Variants in TENM1 observed in about 807,000 individuals in gnomAD.
The protein encoded by TENM1 is teneurin-1.
In TENM1, 35 loss-of-function variants were observed where a neutral mutation model predicts 174.8. The observed-to-expected ratio is 0.20, with a 90% CI of 0.15 to 0.27. The LOEUF is 0.27. TENM1 is among the 10% of genes least tolerant of loss of function. The pLI, the probability that TENM1 is intolerant of heterozygous loss-of-function variation, is 1.00. For missense variants in TENM1, 1,633 were observed against 2,130.1 expected, an observed-to-expected ratio of 0.77 and a Z score of 4.59; for synonymous variants, 781 against 798.7, an observed-to-expected ratio of 0.98 and a Z score of 0.37.
the TENM1 span, among the ~76,000 whole-genome samples, chrX:125,125,511 G>A: frequency 8.9e-6 from 1 of 111,759 alleles, no homozygotes; most frequent in African/African-American, 3.3e-5. Flanking sequence ...GTAGTAGCAT[G>A]TACAGATCCA....
chrX:125,122,462 C>A, the TENM1 span, among the ~76,000 whole-genome samples: 13 of 111,654 alleles, frequency 1.2e-4, no homozygotes, highest in Non-Finnish European at 2.4e-4. Context: ...ATCTGATAAG[C>A]AACTTCACTG....
chrX:124,463,197 T>C (rs2061198589), intron 22 of TENM1, among the ~76,000 whole-genome samples: 1 of 111,928 alleles, frequency 8.9e-6, no homozygotes, highest in African/African-American at 3.3e-5. Flanking sequence ...CTCAGGATTT[T>C]TTTTCAGGCT....
chrX:124,765,517 C>T (rs1165345658), intron 3 of TENM1, among the ~76,000 whole-genome samples: 1 of 111,925 alleles, frequency 8.9e-6, no homozygotes, highest in African/African-American at 3.2e-5. Flanking sequence ...ATTGAATTTC[C>T]ATCCATTTTT....
chrX:124,595,294 G>A lies in TENM1; in HGVS notation c.2078-29734C>T, dbSNP rs190272526. Among the ~76,000 whole-genome samples the A allele has an allele frequency of 5.3e-3, 590 of 112,016 alleles. 1 individual carries two copies. Among genetic ancestry groups the A allele is most frequent in the Middle Eastern group, 9.2e-3 (2 of 218 alleles). ...AGTAACTATGTGAGGTGATGGATGA[G>A]TTAATTAACTTGATTGTGGTAATAA... On this transcript the variant is annotated intron_variant, in intron 11 of 31. Transcript: ENST00000422452.
the TENM1 span, among the ~76,000 whole-genome samples, chrX:125,136,721 G>C: frequency 1.8e-5 from 2 of 111,402 alleles, no homozygotes; most frequent in African/African-American, 3.3e-5. Flanking sequence ...GAAACTATTT[G>C]AAATTAAAAA....
At chrX:125,003,049 G>C in the TENM1 span, among the ~76,000 whole-genome samples, 1 of 111,961 alleles carries the variant, frequency 8.9e-6, no homozygotes, top group African/African-American at 3.2e-5. Flanking sequence ...GACTGTAAAA[G>C]GTTAAAACAT....
At chrX:124,470,401 A>T (rs2061286541) in intron 22 of TENM1, among the ~76,000 whole-genome samples, 1 of 110,896 alleles carries the variant, frequency 9.0e-6, no homozygotes, top group South Asian at 3.8e-4. Context: ...TAAGGGAAAA[A>T]TATATATATA....
chrX:124,753,142 T>G (rs1375008284), intron 3 of TENM1, among the ~76,000 whole-genome samples: 5 of 109,690 alleles, frequency 4.6e-5, no homozygotes, highest in Non-Finnish European at 5.7e-5. Context: ...CTTCCATTTC[T>G]TTGTATCCTC....
chrX:124,468,599 A>G (rs1277445470), intron 22 of TENM1, among the ~76,000 whole-genome samples: 1 of 112,094 alleles, frequency 8.9e-6, no homozygotes, highest in East Asian at 2.8e-4. Flanking sequence ...AGTGTGTATC[A>G]TTCCCATGCA....
intron 22 of TENM1, among the ~76,000 whole-genome samples, chrX:124,474,233 G>A (rs1464490495): frequency 9.0e-6 from 1 of 111,209 alleles, no homozygotes; most frequent in African/African-American, 3.3e-5. Flanking sequence ...CTTTATGCTG[G>A]GTGTCACACT....
chrX:124,601,918 T>C (rs1450989348), intron 11 of TENM1, among the ~76,000 whole-genome samples: 13 of 111,470 alleles, frequency 1.2e-4, no homozygotes, highest in African/African-American at 3.9e-4. Context: ...CCTACTTATA[T>C]AGAACTTCTC....
the TENM1 span, among the ~76,000 whole-genome samples, chrX:125,130,767 G>A: frequency 2.7e-5 from 3 of 111,620 alleles, no homozygotes; most frequent in Non-Finnish European, 5.7e-5. Context: ...GCATTCACTT[G>A]AATGTATACT....
At chrX:124,791,388 T>C (rs1018063142) in intron 3 of TENM1, among the ~76,000 whole-genome samples, 1 of 111,875 alleles carries the variant, frequency 8.9e-6, no homozygotes, top group African/African-American at 3.2e-5. Context: ...GGAAATAATT[T>C]CTTTTGAAAA....
intron 11 of TENM1, among the ~76,000 whole-genome samples, chrX:124,588,556 T>G (rs1216627283): frequency 4.0e-4 from 35 of 88,507 alleles, no homozygotes; most frequent in African/African-American, 7.0e-4. Context: ...GTGGGGGGAG[T>G]GGGGAGGGAT....
the TENM1 span, among the ~76,000 whole-genome samples, chrX:125,164,167 T>A: frequency 8.9e-6 from 1 of 111,980 alleles, no homozygotes; most frequent in African/African-American, 3.2e-5. Flanking sequence ...GTTACTTGAC[T>A]GATTTCAGCC....
exon 19 of TENM1, chrX:124,503,625 T>C: frequency 8.3e-7 from 1 of 1,209,393 alleles, no homozygotes; most frequent in Non-Finnish European, 1.1e-6. Flanking sequence ...AGCATCCATC[T>C]CAAAACCTTG....
At chrX:124,520,626 C>T in exon 18 of TENM1, 1 of 1,210,808 alleles carries the variant, frequency 8.3e-7, no homozygotes. Flanking sequence ...GTGTGAGTCG[C>T]CCTTCCACAG....
intron 11 of TENM1, among the ~76,000 whole-genome samples, chrX:124,601,631 T>C (rs1427081830): frequency 9.0e-6 from 1 of 110,884 alleles, no homozygotes. Context: ...ACAGTAATAT[T>C]TCCAGGCACT....
chrX:124,960,990 C>A (rs934170403), intron 1 of TENM1, among the ~76,000 whole-genome samples: 22 of 111,625 alleles, frequency 2.0e-4, no homozygotes, highest in African/African-American at 6.5e-4. Flanking sequence ...TTACCAATTA[C>A]GTTAAGGGAT....
Sources: gnomAD v4.1 joint callset for allele counts (sites outside exome capture counted in the v4.1 genomes callset) on GRCh38, gnomAD v4.1.1 for gene constraint, MANE v1.5 for transcripts, NCBI Gene and HGNC (gene_info 2026-07-23, HGNC 2026-07-21) for gene names.